Variants in COL4A2 observed in about 807,000 individuals in gnomAD.
The protein encoded by COL4A2 is collagen type IV alpha 2 chain, also known as collagen alpha-2(IV) chain.
Under a neutral mutation model 200.2 loss-of-function variants are expected in COL4A2, and 99 were observed. The ratio of observed to expected loss-of-function variants is 0.49; its 90% CI spans 0.42 to 0.58. The LOEUF (loss-of-function observed/expected upper bound fraction) is 0.58, where lower values mean the gene tolerates loss of function less well. Ranked by LOEUF, COL4A2 falls within the 20% of genes least tolerant of loss-of-function variation. COL4A2 has a pLI of 0.00. For synonymous variants in COL4A2, 897 were observed against 900.6 expected, an observed-to-expected ratio of 1.00 and a Z score of 0.07; for missense variants, 1,950 against 2,314.1, an observed-to-expected ratio of 0.84 and a Z score of 3.23.
chr13:110,357,322 A>G, intron 3 of COL4A2, 150 bp from the exon 4 acceptor site: 1 of 1,248,024 alleles, frequency 8.0e-7, no homozygotes, highest in Non-Finnish European at 1.1e-6. Context: ...TGCTCTAAAA[A>G]TTAGTCTATT....
In COL4A2 at chr13:110,501,799, T is replaced by C. The variant is rs776257940; in HGVS notation, c.3877+15T>C. On this transcript the variant is annotated intron_variant, in intron 41 of 47. Transcript: ENST00000360467. ...TGGCCTGAAAGGTAAGCAGGACTTA[T>C]ACATCTGTGCTTCGACATCTCTAGG... The C allele has an allele frequency of 9.6e-5, 155 of 1,611,084 alleles. No individual in the cohort carries two copies. The Admixed American group carries it at 2.3e-3, about 24-fold the overall frequency.
chr13:110,445,720 G>A, intron 16 of COL4A2, 109 bp from the exon 17 acceptor site: 1 of 1,395,870 alleles, frequency 7.2e-7, no homozygotes, highest in Non-Finnish European at 1.0e-6. Flanking sequence ...GTTAATACAT[G>A]ACTTTAATAA....
Position 110,449,848 on chromosome 13 carries a change from G to A in COL4A2, c.1189+59G>A, listed in dbSNP as rs183434089. 2.4e-4 allele frequency: 363 copies of A among 1,492,120 alleles called. 2 individuals carry two copies. The African/African-American group carries it at 4.5e-3, about 18-fold the overall frequency. 92.4% of individuals were successfully genotyped at this position (1,492,120 alleles called of 1,614,324 possible). A position where few individuals can be genotyped will look rare whatever the true frequency, so the allele number is the denominator to read the frequency against. ...CCAAAGCACCTGCACTCAGGTCCTA[G>A]CACACACAAGGGAGACTTCGTTGAC... On this transcript the variant is annotated intron_variant, in intron 19 of 47. Coordinates refer to ENST00000360467, the MANE Select transcript of COL4A2 (RefSeq NM_001846.4).
chr13:110,493,074 CCCCCAT>C, intron 38 of COL4A2, 131 bp from the exon 39 acceptor site: 2 of 853,650 alleles, frequency 2.3e-6, no homozygotes, highest in Non-Finnish European at 3.7e-6. Flanking sequence ...ATGAGTGACA[CCCCCAT>C]GGGTGAAATA....
intron 4 of COL4A2, among the ~76,000 whole-genome samples, chr13:110,392,589 A>G (rs1409918966): frequency 1.3e-5 from 2 of 152,190 alleles, no homozygotes; most frequent in Admixed American, 1.3e-4. Flanking sequence ...GTGCAGCAGC[A>G]GATGTCCCCT....
In COL4A2 at chr13:110,503,435, G is replaced by A. The variant is rs1162060208; in HGVS notation, c.4092G>A (p.Val1364=). 4 of 1,587,106 alleles carry A rather than the reference G, an allele frequency of 2.5e-6. No homozygotes were observed. In the South Asian group the frequency reaches 3.4e-5, roughly 14 times the overall value. ...GGAACACTGGACCCACTGGGGCGGT[G>A]GGCGACAGAGGCCCCAAGGGACCCA... is the stretch of plus-strand genomic sequence containing the variant. ...FMGNTGPTGA[V]GDRGPKGPKG... Residue 1364 remains valine, a synonymous_variant, in exon 43 of 48, where the codon GTG becomes GTA. Transcript: ENST00000360467.
At chr13:110,421,775 T>G (rs1448284168) in intron 4 of COL4A2, among the ~76,000 whole-genome samples, 2 of 152,202 alleles carry the variant, frequency 1.3e-5, no homozygotes, top group African/African-American at 2.4e-5. Flanking sequence ...AAGGAAAGAC[T>G]AGAGTTTTTC....
At chr13:110,312,856 C>T (rs188689430) in intron 3 of COL4A2, among the ~76,000 whole-genome samples, 12 of 152,304 alleles carry the variant, frequency 7.9e-5, no homozygotes, top group East Asian at 5.8e-4. Context: ...AGACACTTTA[C>T]GTGCTTTGGC....
At position 110,508,116 on chromosome 13, in the gene COL4A2, G is replaced by T. The variant is rs59395531; in HGVS notation, c.4776G>T (p.Val1592=). 1,059 of 1,614,262 alleles carry T rather than the reference G, an allele frequency of 6.6e-4. 9 individuals carry two copies. The African/African-American group carries it at 0.013, about 19-fold the overall frequency. ...EIKPYISRCS[V]CEAPAIAIAV... is the part of the protein sequence containing the mutation. ...AGCCCTACATCAGCCGCTGTTCTGT[G>T]TGTGAGGCCCCGGCCATCGCCATCG... Residue 1592 remains valine, a synonymous_variant, in exon 47 of 48, where the codon GTG becomes GTT. Transcript: ENST00000360467. This position sits in a 1 kb window ranked among gnomAD's most constrained non-coding sequence, Gnocchi z 6.1.
chr13:110,338,920 G>A (rs1258232728), intron 3 of COL4A2, among the ~76,000 whole-genome samples: 2 of 152,166 alleles, frequency 1.3e-5, no homozygotes, highest in East Asian at 1.9e-4. Context: ...GTATCTGCAG[G>A]ACAATGTTTG....
rs184303885 is a variant in COL4A2 at position 110,317,792 on chromosome 13, T to A, written c.99+9669T>A. 5.1e-4 allele frequency among the ~76,000 whole-genome samples: 78 copies of A among 152,322 alleles called. 1 individual carries two copies. Among genetic ancestry groups the A allele is most frequent in the African/African-American group, 1.8e-3 (73 of 41,564 alleles). On this transcript the variant is annotated intron_variant, in intron 3 of 47. Transcript: ENST00000360467. ...GGAAAAGGAGGGGCAAACACGGCTT[T>A]ATGTTTGGCTGTTGGAAAATTCTGC...
intron 16 of COL4A2, among the ~76,000 whole-genome samples, chr13:110,444,665 T>C (rs984438728): frequency 6.6e-6 from 1 of 152,228 alleles, no homozygotes; most frequent in Non-Finnish European, 1.5e-5. Context: ...ACCTTTCTTA[T>C]ACCTGTGGCA....
intron 4 of COL4A2, among the ~76,000 whole-genome samples, chr13:110,376,026 G>A (rs1878223760): frequency 6.6e-6 from 1 of 152,146 alleles, no homozygotes; most frequent in South Asian, 2.1e-4. Flanking sequence ...TCATTATGCA[G>A]AGTAAGCACC....
At chr13:110,373,062 T>C (rs2139403372) in intron 4 of COL4A2, among the ~76,000 whole-genome samples, 1 of 152,400 alleles carries the variant, frequency 6.6e-6, no homozygotes, top group Non-Finnish European at 1.5e-5. Flanking sequence ...TTGGGATGTC[T>C]GTTACCTGTT....
At chr13:110,501,492 G>A (rs919499532) in intron 40 of COL4A2, among the ~76,000 whole-genome samples, 176 bp from the exon 41 acceptor site, 11 of 147,486 alleles carry the variant, frequency 7.5e-5, no homozygotes, top group African/African-American at 2.8e-4. Flanking sequence ...CCCCAACCCC[G>A]CCCTGAGGGC....
intron 25 of COL4A2, 27 bp downstream of exon 25, chr13:110,465,633 T>C (rs754884776): frequency 6.4e-7 from 1 of 1,566,332 alleles, no homozygotes; most frequent in Admixed American, 1.8e-5. Flanking sequence ...CCTTTTACCT[T>C]TCACAGTCCT....
In COL4A2 at chr13:110,374,215, T is replaced by G. The variant is rs79966225; in HGVS notation, c.180+16663T>G. ...CTTTACATCCATTCACACTTCCTCC[T>G]TAGGGCAGCTCCGTGATGTAACCCA... On this transcript the variant is annotated intron_variant, in intron 4 of 47. Coordinates refer to ENST00000360467, the MANE Select transcript of COL4A2 (RefSeq NM_001846.4). Among the ~76,000 whole-genome samples, 438 of 152,286 alleles carry G rather than the reference T, an allele frequency of 2.9e-3. 3 individuals are homozygous for G. Among genetic ancestry groups the G allele is most frequent in the African/African-American group, 0.01 (421 of 41,554 alleles).
At chr13:110,335,828 A>G (rs1052252866) in intron 3 of COL4A2, among the ~76,000 whole-genome samples, 2 of 152,192 alleles carry the variant, frequency 1.3e-5, no homozygotes, top group Admixed American at 6.5e-5. Flanking sequence ...CACATATACT[A>G]TTTCACTATC....
chr13:110,334,193 A>G (rs1219321705), intron 3 of COL4A2, among the ~76,000 whole-genome samples: 1 of 152,270 alleles, frequency 6.6e-6, no homozygotes, highest in Non-Finnish European at 1.5e-5. Flanking sequence ...GGGGCTGAAT[A>G]GCGCATGCCC....
Sources: gnomAD v4.1 joint callset for allele counts (sites outside exome capture counted in the v4.1 genomes callset) on GRCh38, gnomAD v4.1.1 for gene constraint, Gnocchi (gnomAD v3.1) non-coding constraint, MANE v1.5 for transcripts, NCBI Gene and HGNC (gene_info 2026-07-23, HGNC 2026-07-21) for gene names.